The following SCX variants were observed in gnomAD, a reference collection of about 807,000 sequenced individuals.
SCX encodes the protein scleraxis bHLH transcription factor.
In SCX, 7 loss-of-function variants were observed where a neutral mutation model predicts 12.2. The ratio of observed to expected loss-of-function variants is 0.57; its 90% CI spans 0.33 to 1.08. SCX has a LOEUF of 1.08. Ranked by LOEUF, SCX falls within the 50% of genes least tolerant of loss-of-function variation. The pLI is 0.04. For synonymous variants in SCX, 193 were observed against 163.9 expected (o/e 1.18, Z -1.36); for missense variants, 342 against 337.2 (o/e 1.01, Z -0.11).
In SCX at chr8:144,266,599, GC is replaced by G. The variant is rs1845372143; in HGVS notation, c.-10del. ...CAGCGCGCGACAGAGCTGACGCCGC[GC>G]CCCCGCCGGCCCCATGTCCTTCGCC... On this transcript the variant is annotated 5_prime_UTR_variant, in exon 1 of 2. Coordinates refer to ENST00000567180, the MANE Select transcript of SCX (RefSeq NM_001080514.3). The G allele has an allele frequency of 9.9e-6, 11 of 1,111,174 alleles. No homozygotes were observed. In the East Asian group the frequency reaches 3.1e-4, roughly 31 times the overall value. 68.8% of individuals were successfully genotyped at this position (1,111,174 alleles called of 1,614,324 possible).
chr8:144,266,455 C>A lies in SCX; in HGVS notation c.-159C>A. 2.1e-6 allele frequency: 2 copies of A among 967,254 alleles called. No homozygotes were observed. Among genetic ancestry groups the A allele is most frequent in the Non-Finnish European group, 2.5e-6 (2 of 813,632 alleles). The allele number at this position is 967,254 out of a possible 1,614,324, so 59.9% of individuals were successfully genotyped here. On this transcript the variant is annotated 5_prime_UTR_variant, in exon 1 of 2. Coordinates refer to ENST00000567180, the MANE Select transcript of SCX (RefSeq NM_001080514.3). Reference sequence around the variant, plus strand: ...GGCGCAGCTCGGGGCCCCGCTCCGGCCCGGGACGCACATGTGCGCGCGACG... The same window carrying A: ...GGCGCAGCTCGGGGCCCCGCTCCGGACCGGGACGCACATGTGCGCGCGACG...
Position 144,266,803 on chromosome 8 carries a change from G to GGGGGGCCA in SCX, c.198_205dup (p.Arg69GlnfsTer26). ...GGCGGGGGGCCGGCGGGCCGGGGGC[G>GGGGGGCCA]GGGGGCCAGGGGGCCGGCCAGGCCG... On this transcript the variant is annotated frameshift_variant, in exon 1 of 2. Transcript: ENST00000567180. LOFTEE classifies it high-confidence loss of function. 8.8e-7 allele frequency: 1 copy of GGGGGGCCA among 1,137,378 alleles called. No homozygotes were observed. The highest frequency in any genetic ancestry group is 1.1e-6 in the Non-Finnish European group (1 of 928,722). 70.5% of individuals were successfully genotyped at this position (1,137,378 alleles called of 1,614,324 possible). A position where few individuals can be genotyped will look rare whatever the true frequency, so the allele number is the denominator to read the frequency against.
At chr8:144,267,630 C>A (rs1404241486) in intron 1 of SCX, among the ~76,000 whole-genome samples, 1 of 152,250 alleles carries the variant, frequency 6.6e-6, no homozygotes, top group Non-Finnish European at 1.5e-5. Context: ...TGGGCACCTG[C>A]TGTCCGTCCC....
intron 1 of SCX, among the ~76,000 whole-genome samples, 161 bp from the exon 2 acceptor site, chr8:144,267,943 G>A (rs1466165128): frequency 1.3e-5 from 2 of 152,248 alleles, no homozygotes; most frequent in Non-Finnish European, 2.9e-5. Context: ...CTGTGCAGCA[G>A]TATGCTCCCC....
rs1204516697 is a variant in SCX, at chr8:144,266,533, CGGCCCGCGA to C, written c.-72_-64del. On this transcript the variant is annotated 5_prime_UTR_variant, in exon 1 of 2. Coordinates refer to ENST00000567180, the MANE Select transcript of SCX (RefSeq NM_001080514.3). The stretch of plus-strand genomic sequence containing the variant: ...CCGAGACCCCGCGCCTCGCCCCGGC[CGGCCCGCGA>C]GGCCCGCGGCGGCCGCAGGAGGCGG... 4.0e-5 allele frequency: 40 copies of C among 992,706 alleles called. No homozygotes were observed. Among genetic ancestry groups the C allele is most frequent in the Admixed American group, 1.8e-4 (3 of 16,258 alleles). 61.5% of individuals were successfully genotyped at this position (992,706 alleles called of 1,614,324 possible). A position where few individuals can be genotyped will look rare whatever the true frequency, so the allele number is the denominator to read the frequency against.
At position 144,268,279 on chromosome 8, in the gene SCX, G is replaced by A. The variant is rs924454803; in HGVS notation, c.*137G>A. 155 of 1,285,696 alleles carry A rather than the reference G, an allele frequency of 1.2e-4. No homozygotes were observed. Among genetic ancestry groups the A allele is most frequent in the African/African-American group, 1.2e-3 (80 of 67,898 alleles). 79.6% of individuals were successfully genotyped at this position (1,285,696 alleles called of 1,614,324 possible). On this transcript the variant is annotated 3_prime_UTR_variant, in exon 2 of 2. Coordinates refer to ENST00000567180, the MANE Select transcript of SCX (RefSeq NM_001080514.3). ...ATGCCCCCAGGCCAGCCCTGGCTGCGAGCGGGGCCGAGGGACAGACGGACG... is the reference window on the plus strand; with the variant it reads ...ATGCCCCCAGGCCAGCCCTGGCTGCAAGCGGGGCCGAGGGACAGACGGACG...
intron 1 of SCX, among the ~76,000 whole-genome samples, chr8:144,267,592 T>C (rs1845406608): frequency 6.6e-6 from 1 of 152,260 alleles, no homozygotes; most frequent in South Asian, 2.1e-4. Flanking sequence ...TCTTAGCCCC[T>C]GCGGCCCAGC....
chr8:144,268,233 T>A lies in SCX; in HGVS notation c.*91T>A. ...GACAGCCCCCACCTTGGACCTGAGC[T>A]GGGCAAGGCCCACCGCAAGCATGCC... is the stretch of plus-strand genomic sequence containing the variant. On this transcript the variant is annotated 3_prime_UTR_variant, in exon 2 of 2. Coordinates refer to ENST00000567180, the MANE Select transcript of SCX (RefSeq NM_001080514.3). 1 of 1,523,116 alleles carries A rather than the reference T, an allele frequency of 6.6e-7. No homozygotes were observed. The highest frequency in any genetic ancestry group is 8.9e-7 in the Non-Finnish European group (1 of 1,126,070). 94.4% of individuals were successfully genotyped at this position (1,523,116 alleles called of 1,614,324 possible).
chr8:144,267,189 G>A lies in SCX; in HGVS notation c.567+9G>A, dbSNP rs1172656603. 2.0e-6 allele frequency: 3 copies of A among 1,509,314 alleles called. No homozygotes were observed. The highest frequency in any genetic ancestry group is 2.6e-6 in the Non-Finnish European group (3 of 1,139,866). The allele number at this position is 1,509,314 out of a possible 1,614,324, so 93.5% of individuals were successfully genotyped here. ...GCAACCAGAGAAAGTTGGTGAGCAC[G>A]GGCCGTGGGGCGCCGAGGGGGGCCT... On this transcript the variant is annotated intron_variant, in intron 1 of 1. Coordinates refer to ENST00000567180, the MANE Select transcript of SCX (RefSeq NM_001080514.3).
chr8:144,267,171 G>A lies in SCX; in HGVS notation c.558G>A (p.Gln186=). ...KQICTFCLSN[Q]RKLSKDRDRK... ...TCTGCACCTTCTGCCTCAGCAACCA[G>A]AGAAAGTTGGTGAGCACGGGCCGTG... The change falls in exon 1 of 2, where the codon CAG becomes CAA. Residue 186 remains glutamine (Q), a synonymous_variant. Transcript: ENST00000567180. 9.8e-6 allele frequency: 15 copies of A among 1,528,996 alleles called. No homozygotes were observed. In the South Asian group the frequency reaches 1.4e-4, roughly 15 times the overall value. The allele number at this position is 1,528,996 out of a possible 1,614,324, so 94.7% of individuals were successfully genotyped here. A position where few individuals can be genotyped will look rare whatever the true frequency, so the allele number is the denominator to read the frequency against.
intron 1 of SCX, 57 bp from the exon 2 acceptor site, chr8:144,268,047 G>C (rs1482674426): frequency 6.5e-7 from 1 of 1,549,048 alleles, no homozygotes; most frequent in Admixed American, 2.0e-5. Context: ...AGGCCAGAGA[G>C]GCGCAGACTG....
Position 144,268,109 on chromosome 8 carries a change from G to T in SCX, c.573G>T (p.Lys191Asn). 6.4e-7 allele frequency: 1 copy of T among 1,551,298 alleles called. No homozygotes were observed. ...CTCCTCCCTCCCCTCTGCAGAGCAA[G>T]GACCGCGACAGAAAGACAGCGATTC... ...FCLSNQRKLS[K>N]DRDRKTAIRS is the part of the protein sequence containing the mutation. The change falls in exon 2 of 2, where the codon AAG becomes AAT. Residue 191 changes from lysine (K) to asparagine (N), a missense_variant. By Grantham distance (94) the Lys-to-Asn change is moderately conservative. This residue lies in a region of SCX where 161 missense variants were observed against 155.7 expected (regional missense o/e 1.03). Coordinates refer to ENST00000567180, the MANE Select transcript of SCX (RefSeq NM_001080514.3).
At chr8:144,268,029 C>T in intron 1 of SCX, 75 bp from the exon 2 acceptor site, 2 of 1,547,408 alleles carry the variant, frequency 1.3e-6, no homozygotes, top group Admixed American at 3.9e-5. Context: ...AGATGGCACC[C>T]AGCAGGGAGG....
Position 144,268,247 on chromosome 8 carries a change from C to T in SCX, c.*105C>T, listed in dbSNP as rs958351392. 6 of 1,482,718 alleles carry T rather than the reference C, an allele frequency of 4.0e-6. No homozygotes were observed. Among genetic ancestry groups the T allele is most frequent in the Admixed American group, 2.0e-5 (1 of 50,132 alleles). The allele number at this position is 1,482,718 out of a possible 1,614,324, so 91.8% of individuals were successfully genotyped here. On this transcript the variant is annotated 3_prime_UTR_variant, in exon 2 of 2. Coordinates refer to ENST00000567180, the MANE Select transcript of SCX (RefSeq NM_001080514.3). The stretch of plus-strand genomic sequence containing the variant: ...TGGACCTGAGCTGGGCAAGGCCCAC[C>T]GCAAGCATGCCCCCAGGCCAGCCCT...
Position 144,266,935 on chromosome 8 carries a change from G to A in SCX, c.322G>A (p.Asp108Asn), listed in dbSNP as rs1845383930. The A allele has an allele frequency of 3.9e-6, 6 of 1,558,340 alleles. No homozygotes were observed. The highest frequency in any genetic ancestry group is 4.3e-6 in the Non-Finnish European group (5 of 1,158,326). The stretch of plus-strand genomic sequence containing the variant: ...CACGCTGATCCCCACCGAGCCCGCC[G>A]ACCGCAAGCTCTCCAAGATTGAGAC... ...LRTLIPTEPADRKLSKIETLR... is the reference protein window; with the variant it reads ...LRTLIPTEPANRKLSKIETLR... Residue 108 changes from aspartate to asparagine, a missense_variant, in exon 1 of 2, where the codon GAC becomes AAC. By Grantham distance (23) the Asp-to-Asn change is conservative. Coordinates refer to ENST00000567180, the MANE Select transcript of SCX (RefSeq NM_001080514.3).
chr8:144,268,259 C>T lies in SCX; in HGVS notation c.*117C>T. ...GGGCAAGGCCCACCGCAAGCATGCC[C>T]CCAGGCCAGCCCTGGCTGCGAGCGG... is the stretch of plus-strand genomic sequence containing the variant. On this transcript the variant is annotated 3_prime_UTR_variant, in exon 2 of 2. Transcript: ENST00000567180. 2 of 1,432,122 alleles carry T rather than the reference C, an allele frequency of 1.4e-6. No homozygotes were observed. Among genetic ancestry groups the T allele is most frequent in the Admixed American group, 2.1e-5 (1 of 48,364 alleles). The allele number at this position is 1,432,122 out of a possible 1,614,324, so 88.7% of individuals were successfully genotyped here.
At position 144,268,213 on chromosome 8, in the gene SCX, C is replaced by T; in HGVS notation, c.*71C>T. The T allele has an allele frequency of 6.5e-7, 1 of 1,542,972 alleles. No individual in the cohort carries two copies. Among genetic ancestry groups the T allele is most frequent in the Non-Finnish European group, 8.8e-7 (1 of 1,142,260 alleles). On this transcript the variant is annotated 3_prime_UTR_variant, in exon 2 of 2. Coordinates refer to ENST00000567180, the MANE Select transcript of SCX (RefSeq NM_001080514.3). ...GGACGCCCGGGGTGACTGCAGACAG[C>T]CCCCACCTTGGACCTGAGCTGGGCA...
In SCX at chr8:144,268,278, C is replaced by A; in HGVS notation, c.*136C>A. ...CATGCCCCCAGGCCAGCCCTGGCTG[C>A]GAGCGGGGCCGAGGGACAGACGGAC... On this transcript the variant is annotated 3_prime_UTR_variant, in exon 2 of 2. Coordinates refer to ENST00000567180, the MANE Select transcript of SCX (RefSeq NM_001080514.3). 7.8e-7 allele frequency: 1 copy of A among 1,284,122 alleles called. No homozygotes were observed. Among genetic ancestry groups the A allele is most frequent in the Admixed American group, 2.2e-5 (1 of 46,428 alleles). 79.5% of individuals were successfully genotyped at this position (1,284,122 alleles called of 1,614,324 possible).
intron 1 of SCX, among the ~76,000 whole-genome samples, chr8:144,267,642 C>T (rs1433121934): frequency 6.6e-6 from 1 of 152,228 alleles, no homozygotes; most frequent in Non-Finnish European, 1.5e-5. Flanking sequence ...GTCCGTCCCC[C>T]ACCTAGGCCG....
Sources: allele counts gnomAD v4.1 joint callset (sites outside exome capture counted in the v4.1 genomes callset), GRCh38; gene constraint gnomAD v4.1.1; regional missense constraint gnomAD v4.1.1; transcripts MANE v1.5; gene names NCBI Gene and HGNC (gene_info 2026-07-23, HGNC 2026-07-21).